DNMT3A: variants seen among roughly 807,000 people sequenced by gnomAD.
DNMT3A encodes the protein DNA methyltransferase 3 alpha, also known as DNA (cytosine-5)-methyltransferase 3A.
DNMT3A carries 267 observed loss-of-function variants against 117.6 expected under a neutral mutation model. That is an observed-to-expected ratio of 2.27 (90% CI 2.05 to 2.51). The LOEUF is 2.51. Among genes scored for constraint, DNMT3A ranks in the 30% most tolerant of loss-of-function variants. DNMT3A has a pLI of 0.00. For missense variants in DNMT3A, 1,029 were observed against 1,260.2 expected (o/e 0.82, Z 2.78); for synonymous variants, 432 against 474.8 (o/e 0.91, Z 1.17).
chr2:25,252,400 G>T lies in DNMT3A; in HGVS notation c.640-4148C>A. On this transcript the variant is annotated intron_variant, in intron 6 of 22. Coordinates refer to ENST00000321117, the MANE Select transcript of DNMT3A (RefSeq NM_022552.5). The surrounding 1 kb of genome is among the most constrained non-coding windows in gnomAD (Gnocchi z 5.5). The stretch of plus-strand genomic sequence containing the variant: ...GACTCCAGGTCACGTGGGCCCCGCT[G>T]GAGGGCCTGGTTGGCTGCGAGCGGC... 1 of 543,024 alleles carries T rather than the reference G, an allele frequency of 1.8e-6. No homozygotes were observed. Among genetic ancestry groups the T allele is most frequent in the South Asian group, 3.3e-5 (1 of 30,212 alleles). 33.6% of individuals were successfully genotyped at this position (543,024 alleles called of 1,614,324 possible).
chr2:25,321,184 A>C (rs2034584000), intron 1 of DNMT3A, among the ~76,000 whole-genome samples: 1 of 152,142 alleles, frequency 6.6e-6, no homozygotes, highest in African/African-American at 2.4e-5. Context: ...AAAAAAAAAA[A>C]AGATTCTCCT....
chr2:25,240,179 C>G, intron 19 of DNMT3A, 123 bp downstream of exon 19: 1 of 1,419,614 alleles, frequency 7.0e-7, no homozygotes, highest in Non-Finnish European at 9.6e-7. Context: ...GCTTCCCAAA[C>G]AGGCCCCTTG....
intron 2 of DNMT3A, among the ~76,000 whole-genome samples, chr2:25,301,113 C>CA (rs1191514362): frequency 6.6e-6 from 1 of 150,598 alleles, no homozygotes; most frequent in Non-Finnish European, 1.5e-5. Flanking sequence ...ACTAAAAATA[C>CA]AAAAAATTAG....
chr2:25,300,308 G>GA, intron 2 of DNMT3A, 65 bp from the exon 3 acceptor site: 1 of 1,538,854 alleles, frequency 6.5e-7, no homozygotes, highest in Non-Finnish European at 8.8e-7. Flanking sequence ...TTCCAGGCCT[G>GA]TCTGGGGCTG....
Position 25,244,584 on chromosome 2 carries a change from A to T in DNMT3A, c.1623T>A (p.Cys541Ter). ...CGCACATGAGCACCTCACGGCCCCC[A>T]CAGCAGATGGTGCAGTAGGACTGGT... The part of the protein sequence containing the change: ...DGYQSYCTIC[C>*]GGREVLMCGN... Residue 541 changes from cysteine (C) to a stop codon, truncating the protein, a stop_gained, in exon 14 of 23, where the codon TGT (cysteine) becomes TGA (stop). Transcript: ENST00000321117. LOFTEE classifies it high-confidence loss of function. 6.2e-7 allele frequency: 1 copy of T among 1,614,192 alleles called. No individual in the cohort carries two copies. Among genetic ancestry groups the T allele is most frequent in the Non-Finnish European group, 8.5e-7 (1 of 1,180,010 alleles).
rs1046381851 is a variant in DNMT3A, at chr2:25,286,388, G to A, written c.178-3677C>T. Among the ~76,000 whole-genome samples the A allele has an allele frequency of 1.3e-5, 2 of 152,224 alleles. No homozygotes were observed. Among genetic ancestry groups the A allele is most frequent in the Non-Finnish European group, 2.9e-5 (2 of 68,052 alleles). On this transcript the variant is annotated intron_variant, in intron 3 of 22. Coordinates refer to ENST00000321117, the MANE Select transcript of DNMT3A (RefSeq NM_022552.5). The surrounding 1 kb of genome is among the most constrained non-coding windows in gnomAD (Gnocchi z 4.3). Reference sequence around the variant, plus strand: ...CGGGCATGCTGGGCAGATGATGGGCGAGCGGGGCATGTTGCACATTTCCAG... The same window carrying A: ...CGGGCATGCTGGGCAGATGATGGGCAAGCGGGGCATGTTGCACATTTCCAG...
At chr2:25,322,254 G>T (rs915125824) in intron 1 of DNMT3A, among the ~76,000 whole-genome samples, 7 of 152,080 alleles carry the variant, frequency 4.6e-5, no homozygotes, top group African/African-American at 1.7e-4. Flanking sequence ...AGTGGGGATG[G>T]GAGAAAGGGC....
chr2:25,258,702 G>A (rs1676361608), intron 6 of DNMT3A, among the ~76,000 whole-genome samples: 1 of 152,198 alleles, frequency 6.6e-6, no homozygotes, highest in South Asian at 2.1e-4. Flanking sequence ...GATCAGTCAA[G>A]GCAGGAAGGC....
At chr2:25,274,131 C>G (rs559279213) in intron 6 of DNMT3A, among the ~76,000 whole-genome samples, 1 of 152,340 alleles carries the variant, frequency 6.6e-6, no homozygotes, top group African/African-American at 2.4e-5. Flanking sequence ...CTCATCCTCC[C>G]CTGGGTCTTC....
intron 3 of DNMT3A, among the ~76,000 whole-genome samples, chr2:25,291,942 C>T (rs1233194860): frequency 1.3e-5 from 2 of 152,208 alleles, no homozygotes. Flanking sequence ...TCAGAGTGAG[C>T]TGGAGGCTCC....
rs1175186554 is a variant in DNMT3A at position 25,264,132 on chromosome 2, G to GTTTTT, written c.639+10804_639+10808dup. Reference sequence around the variant, plus strand: ...TCAGTAAAGGCTGGACAACCCTTTGGTTTTTTTTTTTTTTTTTTTTTTTTT... The same window carrying GTTTTT: ...TCAGTAAAGGCTGGACAACCCTTTGGTTTTTTTTTTTTTTTTTTTTTTTTTTTTTT... On this transcript the variant is annotated intron_variant, in intron 6 of 22. Transcript: ENST00000321117. 1.2e-3 allele frequency among the ~76,000 whole-genome samples: 87 copies of GTTTTT among 73,752 alleles called. 16 individuals are homozygous for GTTTTT. The highest frequency in any genetic ancestry group is 4.6e-3 in the South Asian group (7 of 1,510). 48.4% of individuals were successfully genotyped at this position (73,752 alleles called of 152,430 possible). A position where few individuals can be genotyped will look rare whatever the true frequency, so the allele number is the denominator to read the frequency against.
chr2:25,244,567 A>C lies in DNMT3A; in HGVS notation c.1640T>G (p.Leu547Arg), dbSNP rs111848085. Residue 547 changes from leucine (L) to arginine (R), a missense_variant, in exon 14 of 23, where the codon CTC becomes CGC. Leu to Arg is a moderately radical substitution (Grantham distance 102). Coordinates refer to ENST00000321117, the MANE Select transcript of DNMT3A (RefSeq NM_022552.5). ...GCAGCAGTTGTTGTTTCCGCACATG[A>C]GCACCTCACGGCCCCCACAGCAGAT... ...CTICCGGREVLMCGNNNCCRC... is the reference protein window; with the variant it reads ...CTICCGGREVRMCGNNNCCRC... The C allele has an allele frequency of 3.7e-6, 6 of 1,613,958 alleles. No individual in the cohort carries two copies. Among genetic ancestry groups the C allele is most frequent in the Admixed American group, 1.7e-5 (1 of 59,996 alleles).
At chr2:25,328,358 G>A (rs1211303337) in intron 1 of DNMT3A, among the ~76,000 whole-genome samples, 2 of 151,870 alleles carry the variant, frequency 1.3e-5, no homozygotes, top group African/African-American at 2.4e-5. Flanking sequence ...TTCCAGGCCC[G>A]GCTGCTGTCC....
intron 1 of DNMT3A, among the ~76,000 whole-genome samples, chr2:25,317,424 C>CA (rs1365899155): frequency 6.6e-6 from 1 of 152,124 alleles, no homozygotes; most frequent in Non-Finnish European, 1.5e-5. Context: ...ATACCACCAA[C>CA]AAAATTGTGG....
chr2:25,321,535 CAT>C (rs1327840098), intron 1 of DNMT3A, among the ~76,000 whole-genome samples: 1 of 152,220 alleles, frequency 6.6e-6, no homozygotes, highest in Non-Finnish European at 1.5e-5. Context: ...TGTAAGGTGA[CAT>C]ATTCACAGGT....
At chr2:25,242,885 A>G (rs1674247882) in intron 16 of DNMT3A, among the ~76,000 whole-genome samples, 1 of 150,220 alleles carries the variant, frequency 6.7e-6, no homozygotes, top group Admixed American at 6.7e-5. Flanking sequence ...TATATATTCT[A>G]TCAGGATGCT....
In DNMT3A at chr2:25,339,438, G is replaced by C. The variant is rs1475102517; in HGVS notation, c.-178+2388C>G. Reference sequence around the variant, plus strand: ...CTATGGAAGGCACTGGTGCCTGGGTGGGGTAACGAGGGAAGTTTGGTCGGC... The same window carrying C: ...CTATGGAAGGCACTGGTGCCTGGGTCGGGTAACGAGGGAAGTTTGGTCGGC... On this transcript the variant is annotated intron_variant, in intron 1 of 22. Transcript: ENST00000321117. This position sits in a 1 kb window ranked among gnomAD's most constrained non-coding sequence, Gnocchi z 4.9. 3.3e-5 allele frequency among the ~76,000 whole-genome samples: 5 copies of C among 152,210 alleles called. No homozygotes were observed. Among genetic ancestry groups the C allele is most frequent in the Admixed American group, 2.0e-4 (3 of 15,278 alleles).
At chr2:25,338,428 T>C (rs1213587137) in intron 1 of DNMT3A, among the ~76,000 whole-genome samples, 1 of 152,190 alleles carries the variant, frequency 6.6e-6, no homozygotes, top group Non-Finnish European at 1.5e-5. Context: ...GTCTGGCTCT[T>C]GCTGGGAAAG....
chr2:25,260,484 C>A (rs1473770930), intron 6 of DNMT3A, among the ~76,000 whole-genome samples: 4 of 151,292 alleles, frequency 2.6e-5, no homozygotes, highest in African/African-American at 9.7e-5. Context: ...TTTTTTTTGC[C>A]CCACAAAGCT....
Sources: allele counts gnomAD v4.1 joint callset (sites outside exome capture counted in the v4.1 genomes callset), GRCh38; gene constraint gnomAD v4.1.1; non-coding constraint Gnocchi (gnomAD v3.1); transcripts MANE v1.5; gene names NCBI Gene and HGNC (gene_info 2026-07-23, HGNC 2026-07-21).